The following PADI4 variants were observed in gnomAD, a reference collection of about 807,000 sequenced individuals.
PADI4 encodes the protein peptidyl arginine deiminase 4, also known as protein-arginine deiminase type-4.
Under a neutral mutation model 75.0 loss-of-function variants are expected in PADI4, and 62 were observed. The ratio of observed to expected loss-of-function variants is 0.83; its 90% CI spans 0.67 to 1.02. PADI4 has a LOEUF of 1.02. Ranked by LOEUF, PADI4 falls within the 50% of genes least tolerant of loss-of-function variation. The pLI, the probability that PADI4 is intolerant of heterozygous loss-of-function variation, is 0.00. For missense variants in PADI4, 845 were observed against 850.5 expected (o/e 0.99, Z 0.08); for synonymous variants, 361 against 348.1 (o/e 1.04, Z -0.41).
At chr1:17,328,447 A>G (rs956837186) in intron 1 of PADI4, among the ~76,000 whole-genome samples, 3 of 150,952 alleles carry the variant, frequency 2.0e-5, no homozygotes, top group Non-Finnish European at 4.4e-5. Context: ...GGAGTTTGAG[A>G]CCAGCCTGGG....
chr1:17,353,639 C>T (rs567890357), intron 10 of PADI4, among the ~76,000 whole-genome samples: 43 of 152,198 alleles, frequency 2.8e-4, no homozygotes, highest in South Asian at 8.3e-4. Context: ...CTAGTCCCCC[C>T]GAACCTGATG....
At chr1:17,329,323 CAA>C (rs10716965) in intron 1 of PADI4, among the ~76,000 whole-genome samples, 23 of 109,254 alleles carry the variant, frequency 2.1e-4, no homozygotes, top group Admixed American at 3.0e-4. Flanking sequence ...GACTCTGTCT[CAA>C]AAAAAAAAAA....
In PADI4 at chr1:17,359,354, G is replaced by A. The variant is rs372994565; in HGVS notation, c.1704G>A (p.Pro568=). 7 of 1,613,130 alleles carry A rather than the reference G, an allele frequency of 4.3e-6. No homozygotes were observed. The highest frequency in any genetic ancestry group is 1.7e-4 in the Middle Eastern group (1 of 6,054). ...CCGAGAGTGACATCATTGACATCCC[G>A]CAGCTCTTCAAGCTCAAAGAGTTCT... is the stretch of plus-strand genomic sequence containing the variant. The part of the protein sequence containing the change: ...GLAESDIIDI[P]QLFKLKEFSK... Residue 568 remains proline (P), a synonymous_variant, in exon 15 of 16, where the codon CCG becomes CCA. Transcript: ENST00000375448.
intron 7 of PADI4, 58 bp downstream of exon 7, chr1:17,342,179 T>C: frequency 6.5e-7 from 1 of 1,546,674 alleles, no homozygotes; most frequent in Non-Finnish European, 8.9e-7. Flanking sequence ...GTGGCCTGGC[T>C]AGGGAAAGGG....
chr1:17,339,581 T>G, intron 5 of PADI4, 107 bp from the exon 6 acceptor site: 4 of 1,149,106 alleles, frequency 3.5e-6, no homozygotes, highest in Non-Finnish European at 5.1e-6. Context: ...AAGGGAGGTC[T>G]CAGGGGAGCG....
intron 14 of PADI4, 75 bp downstream of exon 14, chr1:17,358,983 A>G: frequency 1.1e-6 from 1 of 944,662 alleles, no homozygotes; most frequent in East Asian, 2.6e-5. Context: ...CAGTGATTAG[A>G]GGCACACAGA....
At chr1:17,322,073 A>G (rs766611351) in intron 1 of PADI4, among the ~76,000 whole-genome samples, 5 of 152,234 alleles carry the variant, frequency 3.3e-5, no homozygotes, top group Admixed American at 1.3e-4. Context: ...TTACATAAAT[A>G]TAGCGGAGAG....
rs1450032827 is a variant in PADI4 at position 17,356,369 on chromosome 1, C to T, written c.1468C>T (p.Leu490Phe). The change falls in exon 13 of 16, where the codon CTC becomes TTC. Residue 490 changes from leucine (L) to phenylalanine (F), a missense_variant. Physicochemically the swap from Leu to Phe is conservative, Grantham distance 22 (BLOSUM62 0). Transcript: ENST00000375448. The surrounding 1 kb of genome is among the most constrained non-coding windows in gnomAD (Gnocchi z 4.1). ...PAPDRKGFRL[L>F]LASPRSCYKL... is the part of the protein sequence containing the mutation. ...TTTCTGCCTCCAGGGCTTCCGGCTG[C>T]TCCTGGCCAGCCCCAGGTCCTGCTA... The T allele has an allele frequency of 6.2e-7, 1 of 1,607,596 alleles. No homozygotes were observed. Among genetic ancestry groups the T allele is most frequent in the Non-Finnish European group, 8.5e-7 (1 of 1,176,378 alleles).
chr1:17,345,579 C>A lies in PADI4; in HGVS notation c.936-449C>A, dbSNP rs571987946. ...TGGGAGATAATTTGAATCATGGTGGCAGTTTCTCCCATACTGTTCTCATGA... is the reference window on the plus strand; with the variant it reads ...TGGGAGATAATTTGAATCATGGTGGAAGTTTCTCCCATACTGTTCTCATGA... On this transcript the variant is annotated intron_variant, in intron 8 of 15. Transcript: ENST00000375448. Among the ~76,000 whole-genome samples, 7 of 152,306 alleles carry A rather than the reference C, an allele frequency of 4.6e-5. No homozygotes were observed. In the South Asian group the frequency reaches 1.5e-3, roughly 32 times the overall value.
intron 1 of PADI4, among the ~76,000 whole-genome samples, chr1:17,311,545 C>T (rs1341882941): frequency 8.3e-5 from 12 of 145,136 alleles, no homozygotes; most frequent in Non-Finnish European, 1.5e-4. Context: ...TTTTTAAAAA[C>T]GGAGTCTCGC....
intron 2 of PADI4, among the ~76,000 whole-genome samples, chr1:17,332,050 G>C (rs1477386088): frequency 1.3e-5 from 2 of 152,186 alleles, no homozygotes; most frequent in Admixed American, 6.5e-5. Flanking sequence ...CTCCAGGGGA[G>C]AATAATTATT....
At chr1:17,328,029 T>G (rs1484482924) in intron 1 of PADI4, among the ~76,000 whole-genome samples, 1 of 152,158 alleles carries the variant, frequency 6.6e-6, no homozygotes, top group Non-Finnish European at 1.5e-5. Context: ...ATTTTGTTTC[T>G]TAAAGACAGG....
chr1:17,339,194 GTCCCT>G, intron 5 of PADI4, among the ~76,000 whole-genome samples: 1 of 152,100 alleles, frequency 6.6e-6, no homozygotes, highest in Non-Finnish European at 1.5e-5. Flanking sequence ...CTATCAGTCA[GTCCCT>G]TGGGAACCAT....
intron 2 of PADI4, among the ~76,000 whole-genome samples, chr1:17,332,107 G>A (rs1279051056): frequency 1.3e-5 from 2 of 152,084 alleles, no homozygotes; most frequent in Non-Finnish European, 2.9e-5. Flanking sequence ...ATCTGTGGCT[G>A]TCTCACTCCA....
chr1:17,334,117 G>A, intron 3 of PADI4, 108 bp downstream of exon 3: 1 of 727,248 alleles, frequency 1.4e-6, no homozygotes, highest in Admixed American at 2.3e-5. Flanking sequence ...ACTTTAGACT[G>A]AGTAGAGAAA....
rs1431476703 is a variant in PADI4, at chr1:17,356,452, G to C, written c.1551G>C (p.Gly517=). The change falls in exon 13 of 16, where the codon GGG becomes GGC. Residue 517 remains glycine (G), a synonymous_variant. Transcript: ENST00000375448. This position sits in a 1 kb window ranked among gnomAD's most constrained non-coding sequence, Gnocchi z 4.1. ...EGHGEALLFE[G]IKKKKQQKIK... ...ACGGGGAGGCCCTGCTGTTCGAAGG[G>C]ATCAAGAGTAAGTCGGCCCTGCCTT... 2 of 1,599,582 alleles carry C rather than the reference G, an allele frequency of 1.3e-6. No individual in the cohort carries two copies. The highest frequency in any genetic ancestry group is 1.7e-6 in the Non-Finnish European group (2 of 1,167,426).
intron 6 of PADI4, 71 bp from the exon 7 acceptor site, chr1:17,341,872 G>A: frequency 2.5e-6 from 3 of 1,184,530 alleles, no homozygotes; most frequent in Non-Finnish European, 3.6e-6. Flanking sequence ...CTTCTGGGGA[G>A]CACTAAGGAG....
At position 17,327,121 on chromosome 1, in the gene PADI4, C is replaced by T. The variant is rs189188681; in HGVS notation, c.93-3848C>T. On this transcript the variant is annotated intron_variant, in intron 1 of 15. Transcript: ENST00000375448. ...AGAGATGGGGTTTTACCATATTGCT[C>T]AGGCTGGTCTTAAACTCCTGGGCTC... Among the ~76,000 whole-genome samples, 47 of 152,206 alleles carry T rather than the reference C, an allele frequency of 3.1e-4. No individual in the cohort carries two copies. The East Asian group carries it at 8.5e-3, about 27-fold the overall frequency.
chr1:17,352,906 C>T (rs1294146812), intron 10 of PADI4, among the ~76,000 whole-genome samples: 1 of 152,076 alleles, frequency 6.6e-6, no homozygotes, highest in East Asian at 1.9e-4. Context: ...CTTGGCAGGA[C>T]GACTGAAGGG....
Sources: allele counts gnomAD v4.1 joint callset (sites outside exome capture counted in the v4.1 genomes callset), GRCh38; gene constraint gnomAD v4.1.1; non-coding constraint Gnocchi (gnomAD v3.1); transcripts MANE v1.5; gene names NCBI Gene and HGNC (gene_info 2026-07-23, HGNC 2026-07-21).